The following NPAS3 variants were observed in gnomAD, a reference collection of about 807,000 sequenced individuals.
The protein encoded by NPAS3 is neuronal PAS domain-containing protein 3.
In NPAS3, 14 loss-of-function variants were observed where a neutral mutation model predicts 73.1. The ratio of observed to expected loss-of-function variants is 0.19; its 90% CI spans 0.13 to 0.30. NPAS3 has a LOEUF of 0.30. NPAS3 is among the 10% of genes least tolerant of loss of function. The pLI, the probability that NPAS3 is intolerant of heterozygous loss-of-function variation, is 1.00. For synonymous variants in NPAS3, 620 were observed against 541.5 expected, an observed-to-expected ratio of 1.14 and a Z score of -2.01; for missense variants, 1,096 against 1,250.0, an observed-to-expected ratio of 0.88 and a Z score of 1.86.
chr14:33,147,730 A>AATATATATATATATATAT (rs10674790), intron 2 of NPAS3, among the ~76,000 whole-genome samples: 88 of 130,344 alleles, frequency 6.8e-4, no homozygotes, highest in African/African-American at 2.7e-3. Flanking sequence ...TAGAATAAAA[A>AATATATATATATATATAT]ATATATATAT....
intron 5 of NPAS3, among the ~76,000 whole-genome samples, chr14:33,635,942 T>C (rs1369711829): frequency 1.3e-5 from 2 of 152,208 alleles, no homozygotes; most frequent in African/African-American, 2.4e-5. Context: ...TAAACACGAC[T>C]AGACCTAACT....
intron 2 of NPAS3, among the ~76,000 whole-genome samples, chr14:33,073,715 A>G (rs1322362870): frequency 6.6e-6 from 1 of 152,220 alleles, no homozygotes; most frequent in East Asian, 1.9e-4. Flanking sequence ...CTTGAAGAAG[A>G]AAAGAGGAAT....
chr14:33,637,056 C>A (rs1471109888), intron 5 of NPAS3, among the ~76,000 whole-genome samples: 2 of 152,008 alleles, frequency 1.3e-5, no homozygotes, highest in Admixed American at 6.5e-5. Context: ...AAAAAATAAT[C>A]TTTTTATTAC....
intron 5 of NPAS3, among the ~76,000 whole-genome samples, chr14:33,572,466 G>A (rs568455653): frequency 1.2e-4 from 19 of 152,200 alleles, no homozygotes; most frequent in Non-Finnish European, 2.6e-4. Flanking sequence ...TAATCCTAAC[G>A]ATTGTTAGGT....
chr14:33,405,328 C>A (rs893234178), intron 4 of NPAS3, among the ~76,000 whole-genome samples: 2 of 152,060 alleles, frequency 1.3e-5, no homozygotes, highest in African/African-American at 2.4e-5. Flanking sequence ...GAAATTGAAT[C>A]TTCCATGGTG....
intron 5 of NPAS3, among the ~76,000 whole-genome samples, chr14:33,592,473 C>T (rs573724162): frequency 2.6e-5 from 4 of 152,130 alleles, no homozygotes; most frequent in Admixed American, 2.0e-4. Flanking sequence ...TTTGGGAGTT[C>T]GGAGGAGGCA....
In NPAS3 at chr14:33,202,471, A is replaced by G. The variant is rs2046654497; in HGVS notation, c.141-12711A>G. ...TACATAAGTAGACTTGGTTAAAATA[A>G]CGAATTTGTAATTCCTCAAAGGCAG... On this transcript the variant is annotated intron_variant, in intron 2 of 11. Transcript: ENST00000356141. Among the ~76,000 whole-genome samples, 3 of 152,158 alleles carry G rather than the reference A, an allele frequency of 2.0e-5. No individual in the cohort carries two copies. The South Asian group carries it at 6.2e-4, about 31-fold the overall frequency.
chr14:33,255,584 A>G (rs1451668689), intron 3 of NPAS3, among the ~76,000 whole-genome samples: 1 of 152,070 alleles, frequency 6.6e-6, no homozygotes, highest in Non-Finnish European at 1.5e-5. Flanking sequence ...CTCCATGATT[A>G]TAGTTTTTGT....
intron 7 of NPAS3, among the ~76,000 whole-genome samples, chr14:33,738,788 G>A (rs147873557): frequency 6.6e-6 from 1 of 152,162 alleles, no homozygotes; most frequent in Non-Finnish European, 1.5e-5. Flanking sequence ...CTCACTGTTA[G>A]TCACATAGCA....
chr14:33,666,080 G>T (rs2059442635), intron 5 of NPAS3, among the ~76,000 whole-genome samples: 1 of 152,168 alleles, frequency 6.6e-6, no homozygotes, highest in African/African-American at 2.4e-5. Context: ...ATGATTACTT[G>T]AACCTGTTCT....
intron 2 of NPAS3, among the ~76,000 whole-genome samples, chr14:33,119,861 T>C (rs1399772267): frequency 6.6e-6 from 1 of 152,140 alleles, no homozygotes; most frequent in Non-Finnish European, 1.5e-5. Context: ...GGTCAATAGA[T>C]AAAATTTGAA....
intron 2 of NPAS3, among the ~76,000 whole-genome samples, chr14:33,151,006 T>C (rs1459125727): frequency 6.6e-6 from 1 of 152,270 alleles, no homozygotes; most frequent in African/African-American, 2.4e-5. Flanking sequence ...ACGATATTCC[T>C]TGATAGGAAC....
At chr14:33,307,196 A>G (rs565316365) in intron 3 of NPAS3, among the ~76,000 whole-genome samples, 2 of 152,338 alleles carry the variant, frequency 1.3e-5, no homozygotes, top group South Asian at 4.1e-4. Flanking sequence ...TACAATTATA[A>G]GGGAAAAGAG....
At chr14:33,772,631 G>A (rs2062690940) in intron 7 of NPAS3, among the ~76,000 whole-genome samples, 2 of 152,220 alleles carry the variant, frequency 1.3e-5, no homozygotes, top group African/African-American at 4.8e-5. Context: ...TGATAAATGA[G>A]CATCTATGTA....
chr14:33,168,420 C>A (rs1455410503), intron 2 of NPAS3, among the ~76,000 whole-genome samples: 1 of 152,176 alleles, frequency 6.6e-6, no homozygotes, highest in African/African-American at 2.4e-5. Context: ...TCAGATGGAA[C>A]AATTCAACCA....
At chr14:33,658,131 T>A (rs2059201834) in intron 5 of NPAS3, among the ~76,000 whole-genome samples, 1 of 152,234 alleles carries the variant, frequency 6.6e-6, no homozygotes, top group Admixed American at 6.5e-5. Context: ...TGAGGGGAAC[T>A]GTTTATGTGC....
At chr14:33,496,687 A>G (rs1300181927) in intron 4 of NPAS3, among the ~76,000 whole-genome samples, 4 of 152,178 alleles carry the variant, frequency 2.6e-5, no homozygotes, top group Non-Finnish European at 5.9e-5. Flanking sequence ...CTAGGTTTTG[A>G]TGGAATGTAT....
intron 4 of NPAS3, among the ~76,000 whole-genome samples, chr14:33,379,101 G>T (rs1383613126): frequency 6.6e-6 from 1 of 152,092 alleles, no homozygotes; most frequent in African/African-American, 2.4e-5. Context: ...TCCTCAGGTT[G>T]TAAGTATAAG....
intron 3 of NPAS3, among the ~76,000 whole-genome samples, chr14:33,264,376 A>G (rs151208798): frequency 6.6e-6 from 1 of 152,118 alleles, no homozygotes; most frequent in African/African-American, 2.4e-5. Flanking sequence ...ACATATGTAA[A>G]AAACCTGCAT....
Sources: gnomAD v4.1 joint callset for allele counts (sites outside exome capture counted in the v4.1 genomes callset) on GRCh38, gnomAD v4.1.1 for gene constraint, MANE v1.5 for transcripts, NCBI Gene and HGNC (gene_info 2026-07-23, HGNC 2026-07-21) for gene names.